OR3A2: variants seen among roughly 807,000 people sequenced by gnomAD.
The protein encoded by OR3A2 is olfactory receptor 3A2.
For missense variants in OR3A2, 318 were observed against 392.8 expected (o/e 0.81, Z 1.61); for synonymous variants, 126 against 159.3 (o/e 0.79, Z 1.57).
chr17:3,371,394 C>T (rs1376267532), intron 2 of OR3A2, among the ~76,000 whole-genome samples: 4 of 149,582 alleles, frequency 2.7e-5, no homozygotes, highest in South Asian at 2.1e-4. Flanking sequence ...ACCTCCCTCC[C>T]GGACGGGGTG....
At chr17:3,291,554 C>T (rs935690240) in intron 3 of OR3A2, 11 of 1,153,466 alleles carry the variant, frequency 9.5e-6, no homozygotes, top group Non-Finnish European at 1.3e-5. Context: ...CAGGTGTGAA[C>T]CATTTTTTTC....
chr17:3,277,678 CTTAT>C (rs2048747634), exon 2 of OR3A2: 2 of 321,296 alleles, frequency 6.2e-6, no homozygotes, highest in African/African-American at 4.2e-5. Context: ...ATATATGATG[CTTAT>C]TTACTTTGTC....
rs1444767194 is a variant in OR3A2 at position 3,316,702 on chromosome 17, G to A, written c.-85+19331C>T. 2.0e-5 allele frequency among the ~76,000 whole-genome samples: 3 copies of A among 152,150 alleles called. No individual in the cohort carries two copies. In the East Asian group the frequency reaches 5.8e-4, roughly 29 times the overall value. The stretch of plus-strand genomic sequence containing the variant: ...TCTCACTTCACAGATGACAGATTCG[G>A]TGACTTGCCAGAGGCCATAGAGTTA... On this transcript the variant is annotated intron_variant, in intron 3 of 4. Coordinates refer to the OR3A2 transcript ENST00000573491.
chr17:3,361,660 T>C (rs1225335038), intron 2 of OR3A2, among the ~76,000 whole-genome samples: 1 of 151,842 alleles, frequency 6.6e-6, no homozygotes, highest in East Asian at 1.9e-4. Flanking sequence ...CTTTTCTGCA[T>C]CTATTGAGAT....
intron 2 of OR3A2, among the ~76,000 whole-genome samples, chr17:3,364,779 G>C (rs2049548885): frequency 1.3e-5 from 2 of 152,134 alleles, no homozygotes; most frequent in South Asian, 4.1e-4. Flanking sequence ...ATGTCAAAGT[G>C]ATGTCTACAC....
At position 3,359,005 on chromosome 17, in the gene OR3A2, T is replaced by C. The variant is rs556951865; in HGVS notation, c.-178-22879A>G. 2.6e-4 allele frequency among the ~76,000 whole-genome samples: 39 copies of C among 152,004 alleles called. 1 individual carries two copies. In the South Asian group the frequency reaches 7.5e-3, roughly 29 times the overall value. On this transcript the variant is annotated intron_variant, in intron 2 of 4. Transcript: ENST00000573491. ...TATTTAGGATATTCAGATCTTCTTG[T>C]TGAATTGAACCCTTTACCATTGTGT...
chr17:3,303,713 C>T (rs1185010309), intron 3 of OR3A2, among the ~76,000 whole-genome samples: 1 of 144,108 alleles, frequency 6.9e-6, no homozygotes, highest in African/African-American at 2.5e-5. Context: ...CCACTGCACT[C>T]CAGCCTGGCG....
chr17:3,368,036 C>A (rs942667006), intron 2 of OR3A2, among the ~76,000 whole-genome samples: 1 of 152,058 alleles, frequency 6.6e-6, no homozygotes, highest in African/African-American at 2.4e-5. Context: ...ATTTGTATAT[C>A]TTTTGAGAAT....
At chr17:3,356,694 C>T (rs1307593404) in intron 2 of OR3A2, among the ~76,000 whole-genome samples, 1 of 151,490 alleles carries the variant, frequency 6.6e-6, no homozygotes, top group Non-Finnish European at 1.5e-5. Context: ...CAATCAATAG[C>T]CTTTGGGAGG....
chr17:3,322,145 C>A lies in OR3A2; in HGVS notation c.-85+13888G>T, dbSNP rs2049129069. 2.0e-5 allele frequency among the ~76,000 whole-genome samples: 3 copies of A among 152,092 alleles called. 1 individual carries two copies. In the South Asian group the frequency reaches 6.2e-4, roughly 32 times the overall value. Reference sequence around the variant, plus strand: ...AATTTATCCATTTCTTCTAGATTTTCTAGTTTATTTGCGTAGAGGTGTTTA... The same window carrying A: ...AATTTATCCATTTCTTCTAGATTTTATAGTTTATTTGCGTAGAGGTGTTTA... On this transcript the variant is annotated intron_variant, in intron 3 of 4. Coordinates refer to the OR3A2 transcript ENST00000573491.
chr17:3,303,898 A>G (rs2048983324), intron 3 of OR3A2, among the ~76,000 whole-genome samples: 1 of 143,570 alleles, frequency 7.0e-6, no homozygotes, highest in Non-Finnish European at 1.5e-5. Context: ...TCTCAAAATA[A>G]ATAAATAGAT....
chr17:3,283,491 C>T (rs1160547012), intron 1 of OR3A2, among the ~76,000 whole-genome samples: 2 of 152,220 alleles, frequency 1.3e-5, no homozygotes, highest in African/African-American at 2.4e-5. Flanking sequence ...TCCCAAAGTG[C>T]TGGGATTACA....
intron 3 of OR3A2, among the ~76,000 whole-genome samples, chr17:3,330,169 T>G (rs1359075591): frequency 1.3e-5 from 2 of 150,950 alleles, no homozygotes; most frequent in African/African-American, 4.9e-5. Flanking sequence ...GGTGTGGTGC[T>G]GAAAAAAATG....
intron 2 of OR3A2, among the ~76,000 whole-genome samples, chr17:3,353,671 T>C (rs1050790103): frequency 5.9e-5 from 9 of 151,862 alleles, no homozygotes; most frequent in Non-Finnish European, 1.3e-4. Context: ...TTTTAAATTT[T>C]ATTATTTTAA....
chr17:3,362,047 G>C (rs1329533346), intron 2 of OR3A2, among the ~76,000 whole-genome samples: 1 of 151,544 alleles, frequency 6.6e-6, no homozygotes. Flanking sequence ...GTCTAGTCCT[G>C]GACTTTTTTT....
chr17:3,341,713 A>G (rs2049320534), intron 2 of OR3A2, among the ~76,000 whole-genome samples: 1 of 152,014 alleles, frequency 6.6e-6, no homozygotes. Context: ...CTTTCATTTC[A>G]ACCTTGGTGA....
At chr17:3,374,393 T>A (rs964545650) in intron 2 of OR3A2, among the ~76,000 whole-genome samples, 1 of 152,220 alleles carries the variant, frequency 6.6e-6, no homozygotes, top group Non-Finnish European at 1.5e-5. Context: ...CAGTAAGTTT[T>A]CCAAACTTTT....
chr17:3,343,302 CT>C (rs1485223844), intron 2 of OR3A2, among the ~76,000 whole-genome samples: 1 of 152,178 alleles, frequency 6.6e-6, no homozygotes, highest in African/African-American at 2.4e-5. Flanking sequence ...AACCAGGTAC[CT>C]CAGTTGGAAA....
chr17:3,323,782 C>A (rs556920647), intron 3 of OR3A2, among the ~76,000 whole-genome samples: 1 of 152,020 alleles, frequency 6.6e-6, no homozygotes, highest in Non-Finnish European at 1.5e-5. Flanking sequence ...TCTCTGGCTG[C>A]CCTTAACATT....
Sources: gnomAD v4.1 joint callset for allele counts (sites outside exome capture counted in the v4.1 genomes callset) on GRCh38, gnomAD v4.1.1 for gene constraint, MANE v1.5 for transcripts, NCBI Gene and HGNC (gene_info 2026-07-23, HGNC 2026-07-21) for gene names.